The following ZCWPW2 variants were observed in gnomAD, a reference collection of about 807,000 sequenced individuals.
ZCWPW2 encodes the protein zinc finger CW-type and PWWP domain containing 2, also known as zinc finger CW-type PWWP domain protein 2.
In ZCWPW2, 45 loss-of-function variants were observed where a neutral mutation model predicts 46.6. That is an observed-to-expected ratio of 0.96 (90% CI 0.76 to 1.24). The LOEUF is 1.24. Among genes scored for constraint, ZCWPW2 ranks in the 50% most tolerant of loss-of-function variants. The probability of loss-of-function intolerance (pLI) is 0.00; values close to 1 mark genes in which losing one functional copy is unlikely to be tolerated. For missense variants in ZCWPW2, 429 were observed against 403.9 expected, an observed-to-expected ratio of 1.06 and a Z score of -0.53; for synonymous variants, 152 against 137.1, an observed-to-expected ratio of 1.11 and a Z score of -0.76.
intron 1 of ZCWPW2, among the ~76,000 whole-genome samples, chr3:28,389,163 A>G (rs1393526832): frequency 6.6e-6 from 1 of 152,040 alleles, no homozygotes; most frequent in Non-Finnish European, 1.5e-5. Flanking sequence ...AGGAAGCAAA[A>G]ATGTTACTAG....
intron 4 of ZCWPW2, among the ~76,000 whole-genome samples, chr3:28,471,081 A>C (rs1247189331): frequency 1.3e-5 from 2 of 152,160 alleles, no homozygotes; most frequent in African/African-American, 4.8e-5. Flanking sequence ...TGAGCAGACC[A>C]ATAACAAGTA....
intron 1 of ZCWPW2, among the ~76,000 whole-genome samples, chr3:28,356,180 A>C (rs989031548): frequency 1.3e-5 from 2 of 152,206 alleles, no homozygotes; most frequent in African/African-American, 2.4e-5. Context: ...CCTCATCAAA[A>C]AGTGGGCAAA....
At chr3:28,360,778 C>G (rs1704911717) in intron 1 of ZCWPW2, among the ~76,000 whole-genome samples, 1 of 151,844 alleles carries the variant, frequency 6.6e-6, no homozygotes, top group African/African-American at 2.4e-5. Flanking sequence ...TATCCTAAAA[C>G]TCATATGGCA....
At chr3:28,374,351 G>T (rs1464143392) in intron 1 of ZCWPW2, among the ~76,000 whole-genome samples, 2 of 151,996 alleles carry the variant, frequency 1.3e-5, no homozygotes, top group Non-Finnish European at 2.9e-5. Flanking sequence ...TTAGTCTATG[G>T]GTCTAGTTTT....
At chr3:28,349,373 A>G (rs941897133) in intron 1 of ZCWPW2, among the ~76,000 whole-genome samples, 170 bp downstream of exon 1, 1 of 152,066 alleles carries the variant, frequency 6.6e-6, no homozygotes, top group Non-Finnish European at 1.5e-5. Flanking sequence ...CGTGGCTGGG[A>G]ACTGGGAAGT....
intron 1 of ZCWPW2, among the ~76,000 whole-genome samples, chr3:28,381,050 GTATATATATATATATA>G (rs60041322): frequency 8.3e-5 from 1 of 12,120 alleles, no homozygotes; most frequent in South Asian, 3.5e-3. Flanking sequence ...TATATTTGGT[GTATATATATATATATA>G]TATATATATA....
At chr3:28,393,898 A>G (rs1695593508) in intron 2 of ZCWPW2, among the ~76,000 whole-genome samples, 1 of 152,098 alleles carries the variant, frequency 6.6e-6, no homozygotes, top group East Asian at 1.9e-4. Context: ...CACTCTCACC[A>G]CTTCTGTGCA....
chr3:28,417,502 C>T (rs1168707492), intron 3 of ZCWPW2, among the ~76,000 whole-genome samples: 1 of 152,064 alleles, frequency 6.6e-6, no homozygotes, highest in Non-Finnish European at 1.5e-5. Context: ...GGAATCTTCC[C>T]TAACTCATTT....
chr3:28,400,426 A>G (rs760137103), intron 2 of ZCWPW2, among the ~76,000 whole-genome samples: 1 of 152,228 alleles, frequency 6.6e-6, no homozygotes. Context: ...TTCAAATACA[A>G]GAAGCACAAA....
intron 1 of ZCWPW2, among the ~76,000 whole-genome samples, chr3:28,354,283 C>A (rs1342700535): frequency 6.6e-6 from 1 of 151,204 alleles, no homozygotes; most frequent in African/African-American, 2.4e-5. Flanking sequence ...TGGACACATA[C>A]ACCCTCCCAA....
In ZCWPW2 at chr3:28,525,465, T is replaced by TCTTGCTTTACATACACTGAA. The variant is rs60365509; in HGVS notation, c.*777_*778insCTTGCTTTACATACACTGAA. 0.68 allele frequency among the ~76,000 whole-genome samples: 103,504 copies of TCTTGCTTTACATACACTGAA among 152,004 alleles called. 35,355 individuals carry two copies. The highest frequency in any genetic ancestry group is 0.76 in the Admixed American group (11,530 of 15,254). On this transcript the variant is annotated 3_prime_UTR_variant, in exon 10 of 10. Transcript: ENST00000383768. ...CAGTTTTAGTAGATATCCTTCTAGA[T>TCTTGCTTTACATACACTGAA]ATGTGTGGGCATTCACACCTATCTT...
intron 2 of ZCWPW2, among the ~76,000 whole-genome samples, chr3:28,400,982 A>G (rs1245728275): frequency 6.6e-6 from 1 of 152,138 alleles, no homozygotes. Flanking sequence ...GATCAAGACC[A>G]TCCTGGCTAA....
intron 4 of ZCWPW2, among the ~76,000 whole-genome samples, chr3:28,466,990 A>C (rs1050734863): frequency 2.6e-5 from 4 of 152,186 alleles, no homozygotes; most frequent in African/African-American, 9.7e-5. Flanking sequence ...TGAACAAAAG[A>C]GAGAGTTAGG....
chr3:28,359,452 A>G (rs1409535072), intron 1 of ZCWPW2, among the ~76,000 whole-genome samples: 1 of 152,132 alleles, frequency 6.6e-6, no homozygotes, highest in African/African-American at 2.4e-5. Context: ...ACTTGACAAA[A>G]ATAGGCATGA....
chr3:28,367,806 T>C (rs2125699032), intron 1 of ZCWPW2, among the ~76,000 whole-genome samples: 1 of 152,332 alleles, frequency 6.6e-6, no homozygotes, highest in African/African-American at 2.4e-5. Context: ...CTCTAAGGAC[T>C]TGCTTTATGA....
chr3:28,458,397 AG>A lies in ZCWPW2; in HGVS notation c.493-20416del, dbSNP rs567162911. Reference sequence around the variant, plus strand: ...TAAAATATTAGGTTCATTAAATTGTAGAACTCCTATAGAAATTAAATATATA... The same window carrying A: ...TAAAATATTAGGTTCATTAAATTGTAAACTCCTATAGAAATTAAATATATA... On this transcript the variant is annotated intron_variant, in intron 4 of 9. Coordinates refer to ENST00000383768, the MANE Select transcript of ZCWPW2 (RefSeq NM_001040432.4). Among the ~76,000 whole-genome samples the A allele has an allele frequency of 3.1e-3, 467 of 152,348 alleles. 2 individuals carry two copies. The highest frequency in any genetic ancestry group is 5.4e-3 in the Non-Finnish European group (366 of 68,024).
At chr3:28,373,151 T>A (rs1475577137) in intron 1 of ZCWPW2, among the ~76,000 whole-genome samples, 1 of 152,208 alleles carries the variant, frequency 6.6e-6, no homozygotes, top group Non-Finnish European at 1.5e-5. Context: ...GATACAATGA[T>A]TTCCTTTCTT....
At chr3:28,453,827 AT>A (rs1275170797) in intron 4 of ZCWPW2, among the ~76,000 whole-genome samples, 6 of 143,480 alleles carry the variant, frequency 4.2e-5, no homozygotes, top group African/African-American at 1.6e-4. Flanking sequence ...TTATTTATTT[AT>A]TTATTTTTAT....
At position 28,492,088 on chromosome 3, in the gene ZCWPW2, G is replaced by A. The variant is rs1699830783; in HGVS notation, c.611-39G>A. Reference sequence around the variant, plus strand: ...CAGTATTTATTTGAACAGGAACATAGGCACTTTTTTGAAGCAGCCATGTTT... The same window carrying A: ...CAGTATTTATTTGAACAGGAACATAAGCACTTTTTTGAAGCAGCCATGTTT... On this transcript the variant is annotated intron_variant, in intron 5 of 9. Transcript: ENST00000383768. The A allele has an allele frequency of 3.1e-6, 5 of 1,597,218 alleles. No homozygotes were observed. In the East Asian group the frequency reaches 1.1e-4, roughly 36 times the overall value.
Sources: gnomAD v4.1 joint callset for allele counts (sites outside exome capture counted in the v4.1 genomes callset) on GRCh38, gnomAD v4.1.1 for gene constraint, MANE v1.5 for transcripts, NCBI Gene and HGNC (gene_info 2026-07-23, HGNC 2026-07-21) for gene names.